KIF13B: variants seen among roughly 807,000 people sequenced by gnomAD.
The protein encoded by KIF13B is kinesin family member 13B.
In KIF13B, 127 loss-of-function variants were observed where a neutral mutation model predicts 222.0. The observed-to-expected ratio is 0.57, with a 90% CI of 0.50 to 0.66. KIF13B has a LOEUF of 0.66. Among genes scored for constraint, KIF13B ranks in the 30% least tolerant of loss-of-function variants. The pLI, the probability that KIF13B is intolerant of heterozygous loss-of-function variation, is 0.00. For synonymous variants in KIF13B, 976 were observed against 919.0 expected (o/e 1.06, Z -1.12); for missense variants, 2,173 against 2,379.0 (o/e 0.91, Z 1.80).
chr8:29,228,472 A>AAAAAAAAT lies in KIF13B; in HGVS notation c.149+16873_149+16874insATTTTTTT. ...ACAGAGCCAGACTCCATCTTAAAAA[A>AAAAAAAAT]ATATATATATATATATATGAGATAC... On this transcript the variant is annotated intron_variant, in intron 2 of 39. Transcript: ENST00000524189. 9.5e-3 allele frequency among the ~76,000 whole-genome samples: 1,112 copies of AAAAAAAAT among 117,072 alleles called. 68 individuals carry two copies. The highest frequency in any genetic ancestry group is 0.034 in the African/African-American group (1,043 of 30,718). The allele number at this position is 117,072 out of a possible 152,430, so 76.8% of individuals were successfully genotyped here. A position where few individuals can be genotyped will look rare whatever the true frequency, so the allele number is the denominator to read the frequency against.
At chr8:29,183,168 G>GTT (rs58034349) in intron 6 of KIF13B, among the ~76,000 whole-genome samples, 29,964 of 117,452 alleles carry the variant, frequency 0.26, 4,122 homozygotes, top group Non-Finnish European at 0.29. Flanking sequence ...CTTAAAGTTT[G>GTT]TTTTTTTTTT....
At chr8:29,132,068 G>A (rs776638622) in intron 23 of KIF13B, among the ~76,000 whole-genome samples, 16 of 152,112 alleles carry the variant, frequency 1.1e-4, no homozygotes, top group Non-Finnish European at 1.6e-4. Context: ...CCAATATGGT[G>A]AAACCTTGTC....
intron 2 of KIF13B, among the ~76,000 whole-genome samples, chr8:29,227,687 G>A (rs1310660887): frequency 1.3e-5 from 2 of 152,162 alleles, no homozygotes; most frequent in African/African-American, 2.4e-5. Context: ...AGCGGCTCAC[G>A]CCTGTAATCC....
At chr8:29,249,587 T>C (rs1816193169) in intron 1 of KIF13B, among the ~76,000 whole-genome samples, 1 of 152,188 alleles carries the variant, frequency 6.6e-6, no homozygotes, top group Non-Finnish European at 1.5e-5. Context: ...AATTGTTTTT[T>C]TCACTTTAAC....
intron 26 of KIF13B, 69 bp downstream of exon 26, chr8:29,126,413 A>G: frequency 9.8e-7 from 1 of 1,015,586 alleles, no homozygotes; most frequent in South Asian, 1.4e-5. Flanking sequence ...GTATAGCCAG[A>G]TCCAGGAATG....
At chr8:29,100,726 A>C (rs2133576882) in intron 35 of KIF13B, among the ~76,000 whole-genome samples, 1 of 152,330 alleles carries the variant, frequency 6.6e-6, no homozygotes, top group South Asian at 2.1e-4. Context: ...CTGAGATTAC[A>C]GGCGTGAGCC....
At chr8:29,147,687 G>T in intron 16 of KIF13B, 85 bp from the exon 17 acceptor site, 2 of 1,049,626 alleles carry the variant, frequency 1.9e-6, no homozygotes, top group Non-Finnish European at 2.8e-6. Context: ...AATGTTGTCT[G>T]TCATCTTAAC....
Position 29,262,774 on chromosome 8 carries a change from C to G in KIF13B, c.55+206G>C, listed in dbSNP as rs373105571. Among the ~76,000 whole-genome samples, 29 of 137,456 alleles carry G rather than the reference C, an allele frequency of 2.1e-4. No homozygotes were observed. The East Asian group carries it at 5.9e-3, about 28-fold the overall frequency. 90.2% of individuals were successfully genotyped at this position (137,456 alleles called of 152,430 possible). On this transcript the variant is annotated intron_variant, in intron 1 of 39. Transcript: ENST00000524189. ...ACGAGGGGCCCGACGGCGCCAGGGA[C>G]GGGGCTGGCCAGGGGGGAAGGGAGG...
chr8:29,104,632 C>T (rs1452762861), intron 35 of KIF13B, among the ~76,000 whole-genome samples: 2 of 152,178 alleles, frequency 1.3e-5, no homozygotes, highest in African/African-American at 4.8e-5. Flanking sequence ...TTTTCAAGTC[C>T]TTCCATGGTG....
chr8:29,223,979 C>T (rs1417991642), intron 2 of KIF13B, among the ~76,000 whole-genome samples: 1 of 151,492 alleles, frequency 6.6e-6, no homozygotes, highest in African/African-American at 2.4e-5. Context: ...GCGTGAGCCA[C>T]GGCGCCCAGC....
chr8:29,188,658 G>C, intron 4 of KIF13B, 51 bp from the exon 5 acceptor site: 3 of 1,152,020 alleles, frequency 2.6e-6, no homozygotes, highest in Non-Finnish European at 3.8e-6. Flanking sequence ...AACTACATAT[G>C]AACAATTCAC....
intron 2 of KIF13B, among the ~76,000 whole-genome samples, chr8:29,224,803 A>G (rs959985016): frequency 6.6e-6 from 1 of 152,194 alleles, no homozygotes; most frequent in African/African-American, 2.4e-5. Flanking sequence ...AGTTATTCCT[A>G]TGTGTGGATT....
In KIF13B at chr8:29,116,875, G is replaced by A. The variant is rs369849453; in HGVS notation, c.3793C>T (p.Leu1265=). ...VQLSHPADMQ[L]VLRKRICVNV... The stretch of plus-strand genomic sequence containing the variant: ...ACACAGATTCTCTTGCGTAACACCA[G>A]TTGCATGTCAGCAGGGTGGCTGAGC... The change falls in exon 31 of 40, where the codon CTG becomes TTG. Residue 1265 remains leucine (L), a synonymous_variant. Coordinates refer to ENST00000524189, the MANE Select transcript of KIF13B (RefSeq NM_015254.4). 6.5e-5 allele frequency: 101 copies of A among 1,564,108 alleles called. No homozygotes were observed. The highest frequency in any genetic ancestry group is 8.5e-5 in the Non-Finnish European group (98 of 1,149,738).
At chr8:29,122,763 G>T in intron 28 of KIF13B, 117 bp from the exon 29 acceptor site, 1 of 782,286 alleles carries the variant, frequency 1.3e-6, no homozygotes, top group Non-Finnish European at 2.1e-6. Flanking sequence ...TAATAACCCT[G>T]GCCCTGATTT....
intron 35 of KIF13B, among the ~76,000 whole-genome samples, chr8:29,101,141 G>A (rs1808768005): frequency 6.6e-6 from 1 of 152,126 alleles, no homozygotes; most frequent in Non-Finnish European, 1.5e-5. Flanking sequence ...ATACTTGAAT[G>A]TTTTGTTAAT....
chr8:29,171,285 T>C (rs1405177690), intron 10 of KIF13B, among the ~76,000 whole-genome samples: 2 of 152,234 alleles, frequency 1.3e-5, no homozygotes, highest in African/African-American at 4.8e-5. Context: ...AACCCTCATT[T>C]AATGGTTGTT....
chr8:29,108,282 C>T (rs897006428), intron 34 of KIF13B, 90 bp from the exon 35 acceptor site: 11 of 1,269,072 alleles, frequency 8.7e-6, no homozygotes, highest in South Asian at 5.2e-5. Flanking sequence ...CCCAGTCAAC[C>T]GAACGTCAAA....
intron 2 of KIF13B, among the ~76,000 whole-genome samples, chr8:29,228,884 G>A (rs1163107670): frequency 2.6e-5 from 4 of 152,032 alleles, no homozygotes; most frequent in Admixed American, 6.6e-5. Context: ...TGACCAAAAC[G>A]GCTTAGATCA....
At chr8:29,248,647 C>G (rs1166689534) in intron 1 of KIF13B, among the ~76,000 whole-genome samples, 1 of 152,128 alleles carries the variant, frequency 6.6e-6, no homozygotes, top group Non-Finnish European at 1.5e-5. Flanking sequence ...CCCACTGGGT[C>G]CCTCCCACAA....
Sources: allele counts gnomAD v4.1 joint callset (sites outside exome capture counted in the v4.1 genomes callset), GRCh38; gene constraint gnomAD v4.1.1; transcripts MANE v1.5; gene names NCBI Gene and HGNC (gene_info 2026-07-23, HGNC 2026-07-21).